G3BP2: variants seen among roughly 807,000 people sequenced by gnomAD.
The protein encoded by G3BP2 is ras GTPase-activating protein-binding protein 2.
Under a neutral mutation model 56.7 loss-of-function variants are expected in G3BP2, and 11 were observed. That is an observed-to-expected ratio of 0.19 (90% CI 0.12 to 0.32). The LOEUF (loss-of-function observed/expected upper bound fraction) is 0.32, where lower values mean the gene tolerates loss of function less well. Among genes scored for constraint, G3BP2 ranks in the 10% least tolerant of loss-of-function variants. G3BP2 has a pLI of 1.00. For synonymous variants in G3BP2, 165 were observed against 191.6 expected (o/e 0.86, Z 1.15); for missense variants, 340 against 610.9 (o/e 0.56, Z 4.67).
At chr4:75,700,427 C>CA (rs1553892908) in intron 3 of G3BP2, among the ~76,000 whole-genome samples, 3 of 11,528 alleles carry the variant, frequency 2.6e-4, no homozygotes, top group Non-Finnish European at 6.1e-4. Flanking sequence ...TTCTTTCTTT[C>CA]TTTTTTTTTT....
At chr4:75,666,375 C>T (rs1205598614) in intron 1 of G3BP2, among the ~76,000 whole-genome samples, 1 of 152,092 alleles carries the variant, frequency 6.6e-6, no homozygotes, top group African/African-American at 2.4e-5. Flanking sequence ...AGGCATATAA[C>T]AGGTTATATA....
chr4:75,668,421 T>A (rs1733227474), intron 1 of G3BP2, among the ~76,000 whole-genome samples: 1 of 152,224 alleles, frequency 6.6e-6, no homozygotes, highest in Non-Finnish European at 1.5e-5. Context: ...TTAGGCTACA[T>A]TAATTTAGAT....
intron 3 of G3BP2, among the ~76,000 whole-genome samples, chr4:75,680,868 C>A (rs1262872039): frequency 6.7e-6 from 1 of 148,900 alleles, no homozygotes; most frequent in South Asian, 2.1e-4. Flanking sequence ...CTCGGGAGGC[C>A]GAGGCAGGAG....
Position 75,681,478 on chromosome 4 carries a change from T to C in G3BP2, c.-24-19429A>G, listed in dbSNP as rs931911282. Among the ~76,000 whole-genome samples, 3 of 152,266 alleles carry C rather than the reference T, an allele frequency of 2.0e-5. No individual in the cohort carries two copies. The South Asian group carries it at 6.2e-4, about 32-fold the overall frequency. On this transcript the variant is annotated intron_variant, in intron 3 of 3. Transcript: ENST00000499709. The stretch of plus-strand genomic sequence containing the variant: ...CAAACCCTATATATACTATGTTTTT[T>C]CCTACACATACATACCTACGATAAA...
At chr4:75,717,303 G>C (rs1312816062) in intron 3 of G3BP2, among the ~76,000 whole-genome samples, 1 of 152,172 alleles carries the variant, frequency 6.6e-6, no homozygotes, top group Non-Finnish European at 1.5e-5. Context: ...AGCTGGGTGT[G>C]GTAGTGCACA....
chr4:75,713,292 C>A (rs1719821123), intron 3 of G3BP2, among the ~76,000 whole-genome samples: 1 of 152,090 alleles, frequency 6.6e-6, no homozygotes, highest in Non-Finnish European at 1.5e-5. Context: ...ATACAGGAGG[C>A]AGACTGGCAA....
chr4:75,711,304 G>C (rs1236384897), intron 3 of G3BP2, among the ~76,000 whole-genome samples: 1 of 147,480 alleles, frequency 6.8e-6, no homozygotes, highest in African/African-American at 2.5e-5. Flanking sequence ...GGGCGGTTGA[G>C]TGAGACCCCA....
intron 3 of G3BP2, among the ~76,000 whole-genome samples, chr4:75,695,642 G>T (rs1003499133): frequency 9.2e-5 from 14 of 152,128 alleles, no homozygotes; most frequent in African/African-American, 3.1e-4. Context: ...GGGAAAGGAG[G>T]CAGCTACTCT....
At chr4:75,646,883 C>T (rs1266640644) in intron 10 of G3BP2, 146 bp downstream of exon 10, 2 of 569,586 alleles carry the variant, frequency 3.5e-6, no homozygotes, top group Non-Finnish European at 3.1e-6. Context: ...CATCTACTCC[C>T]TTCTGCACAA....
At chr4:75,705,196 GC>G (rs1387546863) in intron 3 of G3BP2, among the ~76,000 whole-genome samples, 1 of 152,190 alleles carries the variant, frequency 6.6e-6, no homozygotes, top group Non-Finnish European at 1.5e-5. Context: ...CCAGTGGAGG[GC>G]TCAGGTCCAT....
At chr4:75,667,866 G>C (rs1353761687) in intron 1 of G3BP2, among the ~76,000 whole-genome samples, 1 of 152,142 alleles carries the variant, frequency 6.6e-6, no homozygotes, top group Non-Finnish European at 1.5e-5. Context: ...TTCAGCCTGG[G>C]CAACAAGAGC....
chr4:75,686,898 A>G (rs1718635609), intron 3 of G3BP2, among the ~76,000 whole-genome samples: 1 of 152,164 alleles, frequency 6.6e-6, no homozygotes, highest in South Asian at 2.1e-4. Context: ...TTTCCTCCCT[A>G]CTTTTCTCTG....
intron 3 of G3BP2, among the ~76,000 whole-genome samples, chr4:75,720,101 C>G (rs1444894475): frequency 6.9e-6 from 1 of 145,206 alleles, no homozygotes; most frequent in African/African-American, 2.6e-5. Context: ...ACTGCAACTT[C>G]AAGCAATTCT....
intron 3 of G3BP2, among the ~76,000 whole-genome samples, chr4:75,719,274 G>C (rs1720050707): frequency 1.3e-5 from 2 of 149,060 alleles, no homozygotes; most frequent in African/African-American, 4.9e-5. Context: ...TGTGAACCCG[G>C]GAGGCGGAGC....
intron 3 of G3BP2, among the ~76,000 whole-genome samples, chr4:75,709,982 A>G: frequency 6.6e-6 from 1 of 152,200 alleles, no homozygotes; most frequent in East Asian, 1.9e-4. Context: ...AAGGGTATAG[A>G]CTAAGGTCAG....
intron 9 of G3BP2, among the ~76,000 whole-genome samples, chr4:75,648,346 CA>C (rs755058695): frequency 0.23 from 21,662 of 94,450 alleles, 2,274 homozygotes; most frequent in African/African-American, 0.37. Flanking sequence ...GACTCCGTCT[CA>C]AAAAAAAAAC....
upstream of G3BP2, among the ~76,000 whole-genome samples, chr4:75,674,730 T>A (rs1482275763): frequency 0.014 from 959 of 69,966 alleles, 10 homozygotes; most frequent in Middle Eastern, 0.045. Context: ...TTTTTTTTTT[T>A]TTTTTTTTTT....
At chr4:75,673,466 C>G (rs754050303), upstream of G3BP2, 4 of 1,232,286 alleles carry the variant, frequency 3.2e-6, no homozygotes, top group Non-Finnish European at 4.0e-6. Context: ...CCGAAAGGGC[C>G]AGGGAACCCC....
At chr4:75,663,575 C>T (rs1229258753) in intron 1 of G3BP2, among the ~76,000 whole-genome samples, 1 of 152,038 alleles carries the variant, frequency 6.6e-6, no homozygotes, top group East Asian at 1.9e-4. Context: ...GGAATATAAT[C>T]CCCAGGGCCA....
Sources: gnomAD v4.1 joint callset for allele counts (sites outside exome capture counted in the v4.1 genomes callset) on GRCh38, gnomAD v4.1.1 for gene constraint, MANE v1.5 for transcripts, NCBI Gene and HGNC (gene_info 2026-07-23, HGNC 2026-07-21) for gene names.